The following CCNL2 variants were observed in gnomAD, a reference collection of about 807,000 sequenced individuals.
CCNL2 encodes cyclin L2.
In CCNL2, 28 loss-of-function variants were observed where a neutral mutation model predicts 59.1. That is an observed-to-expected ratio of 0.47 (90% confidence interval 0.35 to 0.65). The LOEUF (loss-of-function observed/expected upper bound fraction) is 0.65, where lower values mean the gene tolerates loss of function less well. Ranked by LOEUF, CCNL2 falls within the 30% of genes least tolerant of loss-of-function variation. CCNL2 has a pLI of 0.00. For synonymous variants in CCNL2, 342 were observed against 288.6 expected (o/e 1.19, Z -1.88); for missense variants, 714 against 717.4 (o/e 1.00, Z 0.05).
At chr1:1,390,645 T>C in intron 6 of CCNL2, 82 bp from the exon 7 acceptor site, 1 of 1,476,988 alleles carries the variant, frequency 6.8e-7, no homozygotes, top group Non-Finnish European at 9.4e-7. Context: ...AAACAGCCTG[T>C]TGGTCACGAA....
At chr1:1,392,486 AGC>A in intron 5 of CCNL2, 1 of 1,259,220 alleles carries the variant, frequency 7.9e-7, no homozygotes, top group Non-Finnish European at 1.0e-6. Context: ...AGCTTTCCAT[AGC>A]ATTTTTTTTT....
rs566434709 is a variant in CCNL2, at chr1:1,395,521, G to C, written c.474-7C>G. The stretch of plus-strand genomic sequence containing the variant: ...TAGTAGAGGCACGGGCTTCCTGCCA[G>C]AGAGAGAGCACAGGGTCTGCACCAC... On this transcript the variant is annotated splice_polypyrimidine_tract_variant and splice_region_variant and intron_variant, in intron 3 of 10. Transcript: ENST00000400809. 2 of 1,613,926 alleles carry C rather than the reference G, an allele frequency of 1.2e-6. No homozygotes were observed. The highest frequency in any genetic ancestry group is 1.7e-6 in the Non-Finnish European group (2 of 1,179,982).
At chr1:1,398,458 A>G (rs1489538056) in intron 2 of CCNL2, 116 bp from the exon 3 acceptor site, 4 of 1,570,230 alleles carry the variant, frequency 2.5e-6, no homozygotes, top group Non-Finnish European at 3.4e-6. Flanking sequence ...GGGGAAAAAA[A>G]AAGTCAAGAA....
rs1644467276 is a variant in CCNL2 at position 1,386,637 on chromosome 1, T to G, written c.*594A>C. ...CACAGATCCAAATACCCTCACATTT[T>G]AAAAGTCAGGATTCCCTACACAAGT... On this transcript the variant is annotated 3_prime_UTR_variant, in exon 11 of 11. Transcript: ENST00000400809. 1 of 152,608 alleles carries G rather than the reference T, an allele frequency of 6.6e-6. No homozygotes were observed. 9.5% of individuals were successfully genotyped at this position (152,608 alleles called of 1,614,324 possible). A position where few individuals can be genotyped will look rare whatever the true frequency, so the allele number is the denominator to read the frequency against.
Position 1,387,961 on chromosome 1 carries a change from C to T in CCNL2, c.1111G>A (p.Val371Met), listed in dbSNP as rs375538019. 86 of 1,614,010 alleles carry T rather than the reference C, an allele frequency of 5.3e-5. 1 individual carries two copies. Among genetic ancestry groups the T allele is most frequent in the East Asian group, 2.2e-4 (10 of 44,878 alleles). ...GAKKAKADSP[V>M]NGLPKGRESR... Reference sequence around the variant, plus strand: ...GCAGCCCTGGGGTCCTACCCGTTCACGGGGCTGTCCGCCTTGGCTTTCTTG... The same window carrying T: ...GCAGCCCTGGGGTCCTACCCGTTCATGGGGCTGTCCGCCTTGGCTTTCTTG... The change falls in exon 9 of 11, where the codon GTG becomes ATG. Residue 371 changes from valine (V) to methionine (M), a missense_variant. This residue lies in a region of CCNL2 where 403 missense variants were observed against 377.7 expected (regional missense o/e 1.07). Transcript: ENST00000400809.
rs146517668 is a variant in CCNL2 at position 1,387,488 on chromosome 1, C to T, written c.1306G>A (p.Ala436Thr). The T allele has an allele frequency of 9.7e-4, 1,548 of 1,598,662 alleles. 2 individuals are homozygous for T. The highest frequency in any genetic ancestry group is 1.2e-3 in the Non-Finnish European group (1,451 of 1,171,720). Residue 436 changes from alanine to threonine, a missense_variant, in exon 11 of 11, where the codon GCT becomes ACT. By Grantham distance (58) the Ala-to-Thr change is moderately conservative (BLOSUM62 0). Coordinates refer to ENST00000400809, the MANE Select transcript of CCNL2 (RefSeq NM_030937.6). ...CGAATCTCAGAGCCTTTGTAGGGAG[C>T]GCTGCGGGGGGCCTGTCTCGGTGGG... ...DSPPRQAPRS[A>T]PYKGSEIRGS... is the part of the protein sequence containing the mutation.
chr1:1,397,526 A>G (rs969096346), intron 3 of CCNL2, among the ~76,000 whole-genome samples: 1 of 152,092 alleles, frequency 6.6e-6, no homozygotes, highest in Non-Finnish European at 1.5e-5. Flanking sequence ...GAGACCAGGG[A>G]TGTTGCTGAA....
At chr1:1,398,901 G>C in intron 1 of CCNL2, 118 bp downstream of exon 1, 1 of 1,433,280 alleles carries the variant, frequency 7.0e-7, no homozygotes, top group South Asian at 1.5e-5. Flanking sequence ...GGCTGGGGTC[G>C]GGGCAGGGGC....
chr1:1,395,519 CAGAG>C lies in CCNL2; in HGVS notation c.474-9_474-6del. 6.2e-7 allele frequency: 1 copy of C among 1,613,924 alleles called. No individual in the cohort carries two copies. Among genetic ancestry groups the C allele is most frequent in the Non-Finnish European group, 8.5e-7 (1 of 1,179,994 alleles). The stretch of plus-strand genomic sequence containing the variant: ...AGTAGTAGAGGCACGGGCTTCCTGC[CAGAG>C]AGAGAGCACAGGGTCTGCACCACAG... On this transcript the variant is annotated splice_polypyrimidine_tract_variant and splice_region_variant and intron_variant, in intron 3 of 10. Transcript: ENST00000400809.
chr1:1,398,825 T>C lies in CCNL2; in HGVS notation c.289-154A>G, dbSNP rs530457787. The stretch of plus-strand genomic sequence containing the variant: ...CTCTTCGCGTCCCGCCGTCTCGGGA[T>C]CCAGCGCACTGGCGGGCGGGGAGGC... On this transcript the variant is annotated intron_variant, in intron 1 of 10. Transcript: ENST00000400809. The C allele has an allele frequency of 2.2e-4, 285 of 1,270,476 alleles. 4 individuals carry two copies. The South Asian group carries it at 4.0e-3, about 18-fold the overall frequency. The allele number at this position is 1,270,476 out of a possible 1,614,324, so 78.7% of individuals were successfully genotyped here.
chr1:1,390,570 A>G lies in CCNL2; in HGVS notation c.760-7T>C. 1 of 1,603,758 alleles carries G rather than the reference A, an allele frequency of 6.2e-7. No individual in the cohort carries two copies. The highest frequency in any genetic ancestry group is 1.1e-5 in the South Asian group (1 of 90,400). On this transcript the variant is annotated splice_polypyrimidine_tract_variant and splice_region_variant and intron_variant, in intron 6 of 10. Transcript: ENST00000400809. ...GACGATTGGGCAAAGGGATCTGTAA[A>G]AACAAACACTATCATCATTACACTT...
rs200764767 is a variant in CCNL2, at chr1:1,387,610, G to A, written c.1212-28C>T. Reference sequence around the variant, plus strand: ...GGGAGGAAGAACAGCACCACCACACGTGTGACCATCTGGCCCGGCCAGGCC... The same window carrying A: ...GGGAGGAAGAACAGCACCACCACACATGTGACCATCTGGCCCGGCCAGGCC... On this transcript the variant is annotated intron_variant, in intron 10 of 10. Transcript: ENST00000400809. The A allele has an allele frequency of 1.4e-4, 202 of 1,464,324 alleles. 1 individual carries two copies. The South Asian group carries it at 2.2e-3, about 16-fold the overall frequency. 90.7% of individuals were successfully genotyped at this position (1,464,324 alleles called of 1,614,324 possible). A position where few individuals can be genotyped will look rare whatever the true frequency, so the allele number is the denominator to read the frequency against.
intron 3 of CCNL2, among the ~76,000 whole-genome samples, chr1:1,397,548 A>G (rs1341630776): frequency 6.6e-6 from 1 of 152,146 alleles, no homozygotes; most frequent in Non-Finnish European, 1.5e-5. Context: ...CCTGCAGCAC[A>G]CAGGAGAATC....
rs772052659 is a variant in CCNL2, at chr1:1,387,455, G to C, written c.1339C>G (p.Arg447Gly). ...GGGTACTTGCAGTCCTTGGACTTCCGGGAGCCCCGAATCTCAGAGCCTTTG... is the reference window on the plus strand; with the variant it reads ...GGGTACTTGCAGTCCTTGGACTTCCCGGAGCCCCGAATCTCAGAGCCTTTG... ...PYKGSEIRGS[R>G]KSKDCKYPQK... Residue 447 changes from arginine to glycine, a missense_variant, in exon 11 of 11, where the codon CGG (arginine) becomes GGG (glycine). Transcript: ENST00000400809. 3 of 1,613,184 alleles carry C rather than the reference G, an allele frequency of 1.9e-6. No individual in the cohort carries two copies. The African/African-American group carries it at 4.0e-5, about 22-fold the overall frequency.
chr1:1,387,405 G>A lies in CCNL2; in HGVS notation c.1389C>T (p.Ser463=). 6.2e-7 allele frequency: 1 copy of A among 1,614,102 alleles called. No homozygotes were observed. The highest frequency in any genetic ancestry group is 8.5e-7 in the Non-Finnish European group (1 of 1,180,032). The change falls in exon 11 of 11, where the codon AGC becomes AGT. Residue 463 remains serine (S), a synonymous_variant. Transcript: ENST00000400809. Reference sequence around the variant, plus strand: ...TGCTTCGAGAACGGGAAGAACTCCGGCTCCGAGACTTGTGTGGCTTCTGGG... The same window carrying A: ...TGCTTCGAGAACGGGAAGAACTCCGACTCCGAGACTTGTGTGGCTTCTGGG... ...KYPQKPHKSR[S]RSSSRSRSRS... is the part of the protein sequence containing the mutation.
chr1:1,393,499 T>C (rs2100315414), intron 4 of CCNL2, 39 bp from the exon 5 acceptor site: 1 of 1,569,304 alleles, frequency 6.4e-7, no homozygotes, highest in Non-Finnish European at 8.8e-7. Context: ...CCAAGAACCT[T>C]AAGAGCCCAG....
intron 4 of CCNL2, 72 bp downstream of exon 4, chr1:1,395,319 CACT>C: frequency 6.4e-7 from 1 of 1,554,808 alleles, no homozygotes; most frequent in South Asian, 1.1e-5. Flanking sequence ...CCTTCAACTG[CACT>C]GAGGTGGAGA....
chr1:1,397,007 A>G (rs1198761990), intron 3 of CCNL2, among the ~76,000 whole-genome samples: 1 of 152,088 alleles, frequency 6.6e-6, no homozygotes, highest in Non-Finnish European at 1.5e-5. Context: ...TCGGCCTCCC[A>G]AAGTGCTGGG....
chr1:1,388,945 G>C (rs1644614364), intron 8 of CCNL2: 1 of 227,898 alleles, frequency 4.4e-6, no homozygotes, highest in Non-Finnish European at 9.0e-6. Flanking sequence ...TGTGGTGGCG[G>C]GTACCTGCAA....
Sources: allele counts gnomAD v4.1 joint callset (sites outside exome capture counted in the v4.1 genomes callset), GRCh38; gene constraint gnomAD v4.1.1; regional missense constraint gnomAD v4.1.1; transcripts MANE v1.5; gene names NCBI Gene and HGNC (gene_info 2026-07-23, HGNC 2026-07-21).